The following SEM1 variants were observed in gnomAD, a reference collection of about 807,000 sequenced individuals.
The protein encoded by SEM1 is 26S proteasome complex subunit SEM1.
SEM1 carries 3 observed loss-of-function variants against 12.7 expected under a neutral mutation model. The observed-to-expected ratio is 0.24, with a 90% confidence interval of 0.11 to 0.61. The LOEUF is 0.61. SEM1 is among the 20% of genes least tolerant of loss of function. SEM1 has a pLI of 0.88. For synonymous variants in SEM1, 30 were observed against 27.8 expected, an observed-to-expected ratio of 1.08 and a Z score of -0.25; for missense variants, 59 against 81.3, an observed-to-expected ratio of 0.73 and a Z score of 1.06.
upstream of SEM1, chr7:96,496,342 CT>C: frequency 7.0e-7 from 1 of 1,426,626 alleles, no homozygotes; most frequent in African/African-American, 1.4e-5. Flanking sequence ...ATTTGTTTCT[CT>C]GTGTGAAATA....
At chr7:96,573,911 CT>C (rs1806118947) in intron 2 of SEM1, among the ~76,000 whole-genome samples, 1 of 145,268 alleles carries the variant, frequency 6.9e-6, no homozygotes, top group South Asian at 2.3e-4. Flanking sequence ...TAGGTTTGGT[CT>C]TTTCACATGG....
chr7:96,689,195 T>C (rs929561166), intron 2 of SEM1, among the ~76,000 whole-genome samples: 2 of 152,132 alleles, frequency 1.3e-5, no homozygotes, highest in African/African-American at 4.8e-5. Context: ...TATTTTATCT[T>C]CCTTAATTTT....
intron 2 of SEM1, among the ~76,000 whole-genome samples, chr7:96,509,620 T>C (rs1480867033): frequency 6.6e-6 from 1 of 152,100 alleles, no homozygotes; most frequent in Admixed American, 6.6e-5. Context: ...TTATTCACAG[T>C]AGCCAAAAGG....
intron 1 of SEM1, among the ~76,000 whole-genome samples, chr7:96,706,921 A>G (rs181981594): frequency 4.3e-4 from 65 of 152,336 alleles, no homozygotes; most frequent in Non-Finnish European, 6.8e-4. Flanking sequence ...CTGTTAGTGA[A>G]TTTGTCAATG....
At chr7:96,521,745 T>C (rs1804278627) in intron 2 of SEM1, among the ~76,000 whole-genome samples, 1 of 152,072 alleles carries the variant, frequency 6.6e-6, no homozygotes, top group African/African-American at 2.4e-5. Context: ...GCTCCAAATA[T>C]CCAAATTTGC....
At chr7:96,603,101 C>G (rs188971646) in intron 2 of SEM1, among the ~76,000 whole-genome samples, 117 of 152,242 alleles carry the variant, frequency 7.7e-4, no homozygotes, top group African/African-American at 2.6e-3. Context: ...GAAGGTAGCT[C>G]TATGCGTTGA....
rs1361580843 is a variant in SEM1, at chr7:96,707,852, G to A, written c.76+1836C>T. Among the ~76,000 whole-genome samples, 4 of 152,098 alleles carry A rather than the reference G, an allele frequency of 2.6e-5. No individual in the cohort carries two copies. The East Asian group carries it at 5.8e-4, about 22-fold the overall frequency. ...AACTAACTACTCATTTTAAATGCGGGTTCATTCATCATTCATTCAACATGC... is the reference window on the plus strand; with the variant it reads ...AACTAACTACTCATTTTAAATGCGGATTCATTCATCATTCATTCAACATGC... On this transcript the variant is annotated intron_variant, in intron 1 of 2. Transcript: ENST00000248566.
At chr7:96,565,386 T>G (rs1049199620) in intron 2 of SEM1, among the ~76,000 whole-genome samples, 4 of 151,926 alleles carry the variant, frequency 2.6e-5, no homozygotes. Context: ...TAAGTTGTAA[T>G]GGCCCGGAGG....
At chr7:96,648,500 C>T (rs1039749119) in intron 2 of SEM1, among the ~76,000 whole-genome samples, 14 of 152,168 alleles carry the variant, frequency 9.2e-5, no homozygotes, top group African/African-American at 3.4e-4. Context: ...TCCTTTCATT[C>T]AAAATGTATT....
chr7:96,493,779 C>G (rs1803125560), intron 1 of SEM1, among the ~76,000 whole-genome samples: 1 of 152,156 alleles, frequency 6.6e-6, no homozygotes, highest in Admixed American at 6.5e-5. Flanking sequence ...TCCAAGGGCT[C>G]TCTTCAATGT....
chr7:96,507,524 C>T (rs929208982), intron 2 of SEM1, among the ~76,000 whole-genome samples: 1 of 152,016 alleles, frequency 6.6e-6, no homozygotes, highest in Non-Finnish European at 1.5e-5. Flanking sequence ...TAAGATTTAC[C>T]CAGGCAAGAT....
chr7:96,502,475 C>T (rs1357860466), intron 3 of SEM1, among the ~76,000 whole-genome samples: 1 of 152,124 alleles, frequency 6.6e-6, no homozygotes, highest in Non-Finnish European at 1.5e-5. Context: ...AGTTATAAGA[C>T]TTACAGCATA....
At chr7:96,542,718 C>T (rs62471374) in intron 2 of SEM1, among the ~76,000 whole-genome samples, 14,079 of 151,570 alleles carry the variant, frequency 0.093, 666 homozygotes, top group South Asian at 0.14. Flanking sequence ...TTAATGATAA[C>T]GAGGGTGTAG....
intron 2 of SEM1, among the ~76,000 whole-genome samples, chr7:96,691,547 T>C (rs1789933871): frequency 6.6e-6 from 1 of 152,212 alleles, no homozygotes; most frequent in Non-Finnish European, 1.5e-5. Context: ...CACTGTTAAA[T>C]AGGATTAGGA....
At chr7:96,575,718 G>A (rs1387887026) in intron 2 of SEM1, among the ~76,000 whole-genome samples, 3 of 152,186 alleles carry the variant, frequency 2.0e-5, no homozygotes, top group South Asian at 2.1e-4. Context: ...TTGTGGCGCT[G>A]CGGTGGGCTC....
intron 2 of SEM1, among the ~76,000 whole-genome samples, chr7:96,569,792 T>A (rs1805960084): frequency 6.6e-6 from 1 of 152,132 alleles, no homozygotes; most frequent in Non-Finnish European, 1.5e-5. Flanking sequence ...AACATGAGGT[T>A]TTGACTTTGT....
exon 4 of SEM1, chr7:96,483,798 T>C (rs1802638667): frequency 1.3e-6 from 2 of 1,533,026 alleles, no homozygotes; most frequent in East Asian, 4.9e-5. Flanking sequence ...TATCAGCATG[T>C]TTACTTCAAT....
chr7:96,510,632 G>A (rs1803907956), intron 2 of SEM1, among the ~76,000 whole-genome samples: 1 of 152,098 alleles, frequency 6.6e-6, no homozygotes, highest in African/African-American at 2.4e-5. Context: ...GCTGTATGTT[G>A]GATCACAGTT....
chr7:96,542,345 T>A (rs551845735), intron 2 of SEM1, among the ~76,000 whole-genome samples: 2 of 151,978 alleles, frequency 1.3e-5, no homozygotes, highest in African/African-American at 4.8e-5. Context: ...TCTTAGGTAT[T>A]TTGTTTGTGT....
Sources: gnomAD v4.1 joint callset for allele counts (sites outside exome capture counted in the v4.1 genomes callset) on GRCh38, gnomAD v4.1.1 for gene constraint, MANE v1.5 for transcripts, NCBI Gene and HGNC (gene_info 2026-07-23, HGNC 2026-07-21) for gene names.